Variants in LMLN observed in about 807,000 individuals in gnomAD.
LMLN encodes the protein leishmanolysin-like peptidase.
Under a neutral mutation model 92.3 loss-of-function variants are expected in LMLN, and 70 were observed. The ratio of observed to expected loss-of-function variants is 0.76; its 90% CI spans 0.63 to 0.92. The LOEUF (loss-of-function observed/expected upper bound fraction) is 0.92. Among genes scored for constraint, LMLN ranks in the 40% least tolerant of loss-of-function variants. The pLI, the probability that LMLN is intolerant of heterozygous loss-of-function variation, is 0.00. For missense variants in LMLN, 691 were observed against 814.6 expected, an observed-to-expected ratio of 0.85 and a Z score of 1.85; for synonymous variants, 308 against 296.2, an observed-to-expected ratio of 1.04 and a Z score of -0.41.
exon 13 of LMLN, chr3:198,021,474 C>T: frequency 6.2e-7 from 1 of 1,614,076 alleles, no homozygotes; most frequent in South Asian, 1.1e-5. Context: ...GGAATACCTG[C>T]AGAAGATTTG....
exon 16 of LMLN, chr3:198,043,123 G>C (rs1454792607): frequency 6.6e-6 from 1 of 152,192 alleles, no homozygotes; most frequent in African/African-American, 2.4e-5. Flanking sequence ...TCATAAAGTT[G>C]TATCAATGTT....
chr3:197,988,258 A>G lies in LMLN; in HGVS notation c.930-2301A>G, dbSNP rs533985598. ...CTCCGTCTCTCAAGCAGCTGGGACT[A>G]CGGTCACATGCCACTGTACCCCGAT... On this transcript the variant is annotated intron_variant, in intron 8 of 15. Coordinates refer to ENST00000330198, the Ensembl canonical transcript of LMLN. Among the ~76,000 whole-genome samples the G allele has an allele frequency of 2.0e-5, 3 of 151,894 alleles. No individual in the cohort carries two copies. The East Asian group carries it at 5.8e-4, about 29-fold the overall frequency.
At chr3:198,036,791 T>A (rs1243475820) in intron 15 of LMLN, among the ~76,000 whole-genome samples, 1 of 152,258 alleles carries the variant, frequency 6.6e-6, no homozygotes, top group Non-Finnish European at 1.5e-5. Context: ...AAAATTTTGA[T>A]TTAAATGACC....
chr3:197,995,474 A>G lies in LMLN; in HGVS notation c.1048-701A>G, dbSNP rs1581154021. Reference sequence around the variant, plus strand: ...GGGTGAAACTGGAGAACTGATGCTAAAAAAGGAACAGAAAGACAAATACCT... The same window carrying G: ...GGGTGAAACTGGAGAACTGATGCTAGAAAAGGAACAGAAAGACAAATACCT... On this transcript the variant is annotated intron_variant, in intron 9 of 15. Transcript: ENST00000330198. Among the ~76,000 whole-genome samples the G allele has an allele frequency of 3.3e-5, 5 of 152,300 alleles. No homozygotes were observed. The South Asian group carries it at 1.0e-3, about 32-fold the overall frequency.
chr3:198,010,418 G>C (rs1722401597), intron 11 of LMLN, among the ~76,000 whole-genome samples: 1 of 152,000 alleles, frequency 6.6e-6, no homozygotes, highest in Non-Finnish European at 1.5e-5. Flanking sequence ...CAAAGTGCTG[G>C]GATGACAGGT....
At chr3:197,971,677 C>T (rs551925592) in intron 1 of LMLN, among the ~76,000 whole-genome samples, 11 of 152,212 alleles carry the variant, frequency 7.2e-5, no homozygotes, top group Non-Finnish European at 1.0e-4. Context: ...CTCCGCCTCC[C>T]GGGTTCAAGT....
intron 8 of LMLN, among the ~76,000 whole-genome samples, chr3:197,987,595 A>C (rs1721748959): frequency 1.3e-5 from 2 of 152,258 alleles, no homozygotes; most frequent in Non-Finnish European, 2.9e-5. Flanking sequence ...CTTAGGTTAC[A>C]GGGAAAAATA....
intron 14 of LMLN, among the ~76,000 whole-genome samples, chr3:198,034,623 A>AGT (rs1465180641): frequency 2.6e-5 from 4 of 152,116 alleles, no homozygotes; most frequent in Non-Finnish European, 5.9e-5. Context: ...AAAAATAAAT[A>AGT]AATTAAAATT....
At chr3:198,016,194 C>CAAAAAAAAAAAA (rs202075630) in intron 11 of LMLN, among the ~76,000 whole-genome samples, 1 of 83,840 alleles carries the variant, frequency 1.2e-5, no homozygotes, top group Non-Finnish European at 2.4e-5. Context: ...GTTGCAAAAA[C>CAAAAAAAAAAAA]AAAAAAAAAA....
chr3:197,991,111 C>CTTTTTT (rs56713833), intron 9 of LMLN, among the ~76,000 whole-genome samples: 10 of 137,862 alleles, frequency 7.3e-5, no homozygotes, highest in South Asian at 2.3e-4. Context: ...TTCTTTCTTT[C>CTTTTTT]TTTTTTTTTT....
At chr3:197,962,200 C>G (rs763115006) in intron 1 of LMLN, among the ~76,000 whole-genome samples, 1 of 151,910 alleles carries the variant, frequency 6.6e-6, no homozygotes, top group South Asian at 2.1e-4. Flanking sequence ...ATTAGTTTGG[C>G]CAATTCTAGA....
rs1722756549 is a variant in LMLN at position 198,020,768 on chromosome 3, A to ATTGTTTTT, written c.1366-676_1366-675insGTTTTTTT. The stretch of plus-strand genomic sequence containing the variant: ...GCCACCACACCCAGCTAATTTTTGT[A>ATTGTTTTT]TTTTTTTTTTTTTTTTTTTTTTTTT... On this transcript the variant is annotated intron_variant, in intron 12 of 15. Transcript: ENST00000330198. Among the ~76,000 whole-genome samples, 31 of 32,870 alleles carry ATTGTTTTT rather than the reference A, an allele frequency of 9.4e-4. 4 individuals carry two copies. The highest frequency in any genetic ancestry group is 3.0e-3 in the African/African-American group (25 of 8,334). 21.6% of individuals were successfully genotyped at this position (32,870 alleles called of 152,430 possible). A position where few individuals can be genotyped will look rare whatever the true frequency, so the allele number is the denominator to read the frequency against.
chr3:197,981,853 G>A (rs1250791140), intron 6 of LMLN, among the ~76,000 whole-genome samples: 1 of 150,018 alleles, frequency 6.7e-6, no homozygotes, highest in Non-Finnish European at 1.5e-5. Flanking sequence ...CACCCAGGCT[G>A]GAGTGCAGTG....
At chr3:198,032,689 C>G (rs1723109944) in intron 14 of LMLN, among the ~76,000 whole-genome samples, 1 of 152,072 alleles carries the variant, frequency 6.6e-6, no homozygotes, top group Admixed American at 6.5e-5. Flanking sequence ...AAGCAGATCT[C>G]TGGGGAACTT....
In LMLN at chr3:198,019,204, C is replaced by G; in HGVS notation, c.1233-49C>G. The G allele has an allele frequency of 6.4e-7, 1 of 1,551,916 alleles. No homozygotes were observed. Among genetic ancestry groups the G allele is most frequent in the Non-Finnish European group, 8.7e-7 (1 of 1,146,978 alleles). On this transcript the variant is annotated intron_variant, in intron 11 of 15. Coordinates refer to ENST00000330198, the Ensembl canonical transcript of LMLN. The surrounding 1 kb of genome is among the most constrained non-coding windows in gnomAD (Gnocchi z 5.5). Reference sequence around the variant, plus strand: ...ATTTGTTGGCTGTATAATGGACTTGCAGTATTTTCTTTAAAGTTTGATACC... The same window carrying G: ...ATTTGTTGGCTGTATAATGGACTTGGAGTATTTTCTTTAAAGTTTGATACC...
At chr3:197,999,378 A>T (rs1263526340) in intron 11 of LMLN, 36 bp downstream of exon 11, 2 of 1,400,498 alleles carry the variant, frequency 1.4e-6, no homozygotes, top group Non-Finnish European at 2.0e-6. Flanking sequence ...TGAATTGCTT[A>T]TGAAAATGAA....
chr3:197,998,800 A>G (rs901993867), intron 10 of LMLN, among the ~76,000 whole-genome samples: 8 of 152,218 alleles, frequency 5.3e-5, no homozygotes, highest in African/African-American at 1.2e-4. Context: ...CTTTTACCCC[A>G]TGATTCTGTC....
At chr3:198,015,921 C>G (rs948743351) in intron 11 of LMLN, among the ~76,000 whole-genome samples, 1 of 151,990 alleles carries the variant, frequency 6.6e-6, no homozygotes, top group Non-Finnish European at 1.5e-5. Flanking sequence ...CCTGGTGGGC[C>G]GGGTGTGGTG....
intron 15 of LMLN, among the ~76,000 whole-genome samples, chr3:198,037,695 A>T (rs1218063674): frequency 6.6e-6 from 1 of 152,224 alleles, no homozygotes; most frequent in Non-Finnish European, 1.5e-5. Context: ...AGGGCAACTC[A>T]TCCTAAAATA....
Sources: allele counts gnomAD v4.1 joint callset (sites outside exome capture counted in the v4.1 genomes callset), GRCh38; gene constraint gnomAD v4.1.1; non-coding constraint Gnocchi (gnomAD v3.1); transcripts MANE v1.5; gene names NCBI Gene and HGNC (gene_info 2026-07-23, HGNC 2026-07-21).